The following BTBD7 variants were observed in gnomAD, a reference collection of about 807,000 sequenced individuals.
The protein encoded by BTBD7 is BTB domain containing 7, also known as BTB/POZ domain-containing protein 7.
BTBD7 carries 38 observed loss-of-function variants against 99.9 expected under a neutral mutation model. The ratio of observed to expected loss-of-function variants is 0.38; its 90% CI spans 0.29 to 0.50. BTBD7 has a LOEUF of 0.50. BTBD7 is among the 20% of genes least tolerant of loss of function. The probability of loss-of-function intolerance (pLI) is 0.93; values close to 1 mark genes in which losing one functional copy is unlikely to be tolerated. For synonymous variants in BTBD7, 520 were observed against 511.4 expected (o/e 1.02, Z -0.23); for missense variants, 1,170 against 1,394.6 (o/e 0.84, Z 2.57).
chr14:93,296,669 G>C (rs551839481), intron 1 of BTBD7, among the ~76,000 whole-genome samples: 2 of 152,286 alleles, frequency 1.3e-5, no homozygotes, highest in South Asian at 2.1e-4. Flanking sequence ...TTTACTAAAA[G>C]AGGGAGGAGG....
chr14:93,274,207 T>G (rs2052631086), intron 3 of BTBD7, among the ~76,000 whole-genome samples: 1 of 152,212 alleles, frequency 6.6e-6, no homozygotes, highest in South Asian at 2.1e-4. Flanking sequence ...GGCCACCATC[T>G]TGAAGATTCC....
intron 5 of BTBD7, among the ~76,000 whole-genome samples, chr14:93,260,908 T>A (rs571305930): frequency 6.6e-5 from 10 of 152,130 alleles, no homozygotes; most frequent in African/African-American, 1.9e-4. Flanking sequence ...TGTACTCTTT[T>A]TTTTTTTGAG....
At position 93,242,502 on chromosome 14, in the gene BTBD7, C is replaced by G. The variant is rs202159154; in HGVS notation, c.3170G>C (p.Arg1057Pro). Residue 1057 changes from arginine to proline, a missense_variant, in exon 11 of 11, where the codon CGA (arginine) becomes CCA (proline). Physicochemically the swap from Arg to Pro is moderately radical, Grantham distance 103. Coordinates refer to ENST00000334746, the MANE Select transcript of BTBD7 (RefSeq NM_001002860.4). ...ASTGPAHVRG[R>P]TAVETDLTFG... The stretch of plus-strand genomic sequence containing the variant: ...AGTCAAGTCAGTTTCTACTGCAGTT[C>G]GTCCCCTGACATGGGCTGGACCGGT... 6.2e-7 allele frequency: 1 copy of G among 1,614,220 alleles called. No homozygotes were observed. The highest frequency in any genetic ancestry group is 2.2e-5 in the East Asian group (1 of 44,886).
At chr14:93,248,338 T>TCGCCG in intron 9 of BTBD7, 138 bp downstream of exon 9, 1 of 835,898 alleles carries the variant, frequency 1.2e-6, no homozygotes, top group Non-Finnish European at 1.8e-6. Context: ...GACTTGCAGG[T>TCGCCG]TATCAAAGAC....
At position 93,239,531 on chromosome 14, in the gene BTBD7, G is replaced by C. The variant is rs895155829; in HGVS notation, c.*2742C>G. 2 of 151,654 alleles carry C rather than the reference G, an allele frequency of 1.3e-5. No individual in the cohort carries two copies. The highest frequency in any genetic ancestry group is 4.9e-5 in the African/African-American group (2 of 41,040). 9.4% of individuals were successfully genotyped at this position (151,654 alleles called of 1,614,324 possible). ...GCATTAAAAAAGATTTAATAGATGG[G>C]TTCAAAAGCCAGAGGCATGTAGCTC... On this transcript the variant is annotated 3_prime_UTR_variant, in exon 11 of 11. Coordinates refer to ENST00000334746, the MANE Select transcript of BTBD7 (RefSeq NM_001002860.4).
At chr14:93,263,473 G>A (rs2052511077) in intron 4 of BTBD7, among the ~76,000 whole-genome samples, 1 of 152,166 alleles carries the variant, frequency 6.6e-6, no homozygotes, top group Non-Finnish European at 1.5e-5. Context: ...CTATAGAGAA[G>A]CTACATTAAT....
intron 4 of BTBD7, among the ~76,000 whole-genome samples, chr14:93,262,822 G>C (rs2052504650): frequency 6.6e-6 from 1 of 150,846 alleles, no homozygotes; most frequent in South Asian, 2.1e-4. Context: ...GGAATGCAAA[G>C]CTCCTAAAGA....
At chr14:93,255,130 T>A (rs2052414646) in intron 6 of BTBD7, among the ~76,000 whole-genome samples, 1 of 152,166 alleles carries the variant, frequency 6.6e-6, no homozygotes, top group South Asian at 2.1e-4. Context: ...ATATATTTCC[T>A]TCCAGTCTTC....
intron 3 of BTBD7, among the ~76,000 whole-genome samples, chr14:93,272,166 C>T (rs183088725): frequency 6.6e-6 from 1 of 152,110 alleles, no homozygotes; most frequent in East Asian, 1.9e-4. Flanking sequence ...AAAATCTACT[C>T]GGGACCTCAG....
intron 1 of BTBD7, among the ~76,000 whole-genome samples, chr14:93,304,527 T>A (rs2053047616): frequency 6.6e-6 from 1 of 152,086 alleles, no homozygotes; most frequent in Non-Finnish European, 1.5e-5. Context: ...AATTTTTGTA[T>A]TTTTAGTAGA....
rs532369557 is a variant in BTBD7 at position 93,332,499 on chromosome 14, G to A, written c.-107+321C>T. Among the ~76,000 whole-genome samples, 9 of 151,812 alleles carry A rather than the reference G, an allele frequency of 5.9e-5. No homozygotes were observed. The South Asian group carries it at 1.9e-3, about 32-fold the overall frequency. ...CCCTCGGCGCCCGGAGCCCAAAGCC[G>A]GCCGGGCTGCCGTCGCGACTCCCTC... On this transcript the variant is annotated intron_variant, in intron 1 of 10. Coordinates refer to ENST00000334746, the MANE Select transcript of BTBD7 (RefSeq NM_001002860.4).
intron 1 of BTBD7, among the ~76,000 whole-genome samples, chr14:93,319,303 G>A (rs1202232448): frequency 6.6e-6 from 1 of 152,222 alleles, no homozygotes; most frequent in Non-Finnish European, 1.5e-5. Flanking sequence ...TATAGGCAAG[G>A]AGATTTCAAT....
In BTBD7 at chr14:93,241,925, A is replaced by G; in HGVS notation, c.*348T>C. ...AATACAGTCCTTTAAATGTGGCAAT[A>G]AAGTTTAACATACTGATATAAAATC... On this transcript the variant is annotated 3_prime_UTR_variant, in exon 11 of 11. Transcript: ENST00000334746. The G allele has an allele frequency of 3.4e-6, 1 of 290,190 alleles. No individual in the cohort carries two copies. Among genetic ancestry groups the G allele is most frequent in the Non-Finnish European group, 6.4e-6 (1 of 155,572 alleles). The allele number at this position is 290,190 out of a possible 1,614,324, so 18.0% of individuals were successfully genotyped here.
At position 93,245,825 on chromosome 14, in the gene BTBD7, C is replaced by T. The variant is rs752155280; in HGVS notation, c.2583G>A (p.Val861=). The change falls in exon 10 of 11, where the codon GTG becomes GTA. Residue 861 remains valine (V), a splice_region_variant and synonymous_variant. Coordinates refer to ENST00000334746, the MANE Select transcript of BTBD7 (RefSeq NM_001002860.4). ...AAAAAASEKQ[V]RTQPVLNDLM... is the part of the protein sequence containing the mutation. ...GCAAGTTACTGAAGTGTTGACTTAC[C>T]ACTTGCTTCTCAGATGCTGCTGCTG... 4 of 1,610,544 alleles carry T rather than the reference C, an allele frequency of 2.5e-6. No homozygotes were observed. The highest frequency in any genetic ancestry group is 3.4e-6 in the Non-Finnish European group (4 of 1,178,298).
intron 3 of BTBD7, among the ~76,000 whole-genome samples, chr14:93,291,914 C>G (rs1019495206): frequency 6.6e-6 from 1 of 152,122 alleles, no homozygotes; most frequent in Non-Finnish European, 1.5e-5. Context: ...CTGCAAGGTG[C>G]GGTGGCTCAT....
chr14:93,246,182 T>A lies in BTBD7; in HGVS notation c.2226A>T (p.Glu742Asp). 1 of 1,613,544 alleles carries A rather than the reference T, an allele frequency of 6.2e-7. No individual in the cohort carries two copies. The highest frequency in any genetic ancestry group is 2.2e-5 in the East Asian group (1 of 44,904). Residue 742 changes from glutamate to aspartate, a missense_variant, in exon 10 of 11, where the codon GAA becomes GAT. By Grantham distance (45) the Glu-to-Asp change is conservative. Transcript: ENST00000334746. Reference sequence around the variant, plus strand: ...AAGAGTCCAGATCTGTAAACATGGTTTCTGCAGGAGGTGTACTGTTTACGC... The same window carrying A: ...AAGAGTCCAGATCTGTAAACATGGTATCTGCAGGAGGTGTACTGTTTACGC... ...RCRVNSTPPA[E>D]TMFTDLDSFV...
Position 93,242,070 on chromosome 14 carries a change from T to C in BTBD7, c.*203A>G, listed in dbSNP as rs150461526. ...CCGACATAATTGTTCAAAGACAAAT[T>C]AGACAGATGCAACATTAAAAAAAAA... On this transcript the variant is annotated 3_prime_UTR_variant, in exon 11 of 11. Transcript: ENST00000334746. 1,426 of 548,196 alleles carry C rather than the reference T, an allele frequency of 2.6e-3. 17 individuals carry two copies. The highest frequency in any genetic ancestry group is 0.024 in the East Asian group (831 of 35,178). 34.0% of individuals were successfully genotyped at this position (548,196 alleles called of 1,614,324 possible).
At chr14:93,282,252 C>T (rs953661832) in intron 3 of BTBD7, among the ~76,000 whole-genome samples, 1 of 151,984 alleles carries the variant, frequency 6.6e-6, no homozygotes, top group Non-Finnish European at 1.5e-5. Context: ...TTTTCCACTT[C>T]TACAACTAAA....
At chr14:93,244,887 C>T (rs887742094) in intron 10 of BTBD7, among the ~76,000 whole-genome samples, 3 of 133,558 alleles carry the variant, frequency 2.2e-5, no homozygotes, top group Admixed American at 1.6e-4. Flanking sequence ...GAGACAGTCT[C>T]CCTCTGTCAT....
Sources: gnomAD v4.1 joint callset for allele counts (sites outside exome capture counted in the v4.1 genomes callset) on GRCh38, gnomAD v4.1.1 for gene constraint, MANE v1.5 for transcripts, NCBI Gene and HGNC (gene_info 2026-07-23, HGNC 2026-07-21) for gene names.